AMN: variants seen among roughly 807,000 people sequenced by gnomAD.
The protein encoded by AMN is protein amnionless.
AMN carries 40 observed loss-of-function variants against 49.1 expected under a neutral mutation model. That is an observed-to-expected ratio of 0.81 (90% CI 0.63 to 1.06). AMN has a LOEUF of 1.06. Among genes scored for constraint, AMN ranks in the 50% least tolerant of loss-of-function variants. AMN has a pLI of 0.00. For missense variants in AMN, 701 were observed against 662.8 expected (o/e 1.06, Z -0.63); for synonymous variants, 380 against 313.3 (o/e 1.21, Z -2.25).
chr14:102,923,650 C>T, intron 1 of AMN, 61 bp from the exon 2 acceptor site: 2 of 1,451,014 alleles, frequency 1.4e-6, no homozygotes, highest in Non-Finnish European at 1.9e-6. Context: ...GGGTGGGTGG[C>T]CTTCCCTGAG....
Position 102,930,742 on chromosome 14 carries a change from G to A in AMN, c.*62G>A. On this transcript the variant is annotated 3_prime_UTR_variant, in exon 12 of 12. Transcript: ENST00000299155. The stretch of plus-strand genomic sequence containing the variant: ...CGCTCTGGCCCCAGTCGAACTGGGG[G>A]CTAGCCACCTCCTCGTCCAGCCCCC... The A allele has an allele frequency of 6.7e-7, 1 of 1,491,552 alleles. No homozygotes were observed. The highest frequency in any genetic ancestry group is 1.2e-5 in the South Asian group (1 of 82,804). The allele number at this position is 1,491,552 out of a possible 1,614,324, so 92.4% of individuals were successfully genotyped here. A position where few individuals can be genotyped will look rare whatever the true frequency, so the allele number is the denominator to read the frequency against.
At chr14:102,924,414 C>T (rs949322957) in intron 3 of AMN, among the ~76,000 whole-genome samples, 11 of 152,200 alleles carry the variant, frequency 7.2e-5, no homozygotes, top group Non-Finnish European at 1.5e-4. Flanking sequence ...AAGAGGCGAG[C>T]CCACTCCTGC....
chr14:102,930,838 C>T lies in AMN; in HGVS notation c.*158C>T, dbSNP rs563679178. ...TGGCCTTACTCAGTAAAGGTGTTTC[C>T]TGCACCTGCTGTCAGCCTGGCTATG... On this transcript the variant is annotated 3_prime_UTR_variant, in exon 12 of 12. Transcript: ENST00000299155. 1.2e-6 allele frequency: 1 copy of T among 819,880 alleles called. No individual in the cohort carries two copies. The highest frequency in any genetic ancestry group is 1.7e-5 in the African/African-American group (1 of 59,130). 50.8% of individuals were successfully genotyped at this position (819,880 alleles called of 1,614,324 possible). A position where few individuals can be genotyped will look rare whatever the true frequency, so the allele number is the denominator to read the frequency against.
Position 102,930,208 on chromosome 14 carries a change from C to G in AMN, c.1050C>G (p.Gly350=), listed in dbSNP as rs1368382037. 1 of 1,472,568 alleles carries G rather than the reference C, an allele frequency of 6.8e-7. No homozygotes were observed. Among genetic ancestry groups the G allele is most frequent in the Admixed American group, 2.3e-5 (1 of 42,830 alleles). The allele number at this position is 1,472,568 out of a possible 1,614,324, so 91.2% of individuals were successfully genotyped here. A position where few individuals can be genotyped will look rare whatever the true frequency, so the allele number is the denominator to read the frequency against. The change falls in exon 10 of 12, where the codon GGC becomes GGG. Residue 350 remains glycine (G), a synonymous_variant. Transcript: ENST00000299155. ...GVLEATMRES[G]AHVWGSSAAG... The stretch of plus-strand genomic sequence containing the variant: ...TGGAGGCGACCATGCGGGAGTCGGG[C>G]GCACACGTCTGGGGCAGCTCCGCGG...
At chr14:102,925,965 T>G (rs573785458) in intron 3 of AMN, among the ~76,000 whole-genome samples, 1 of 152,304 alleles carries the variant, frequency 6.6e-6, no homozygotes, top group Admixed American at 6.5e-5. Context: ...ATTCTGTGGT[T>G]GGGAGCGTCC....
Position 102,927,357 on chromosome 14 carries a change from C to T in AMN, c.208-1069C>T, listed in dbSNP as rs1324567463. Reference sequence around the variant, plus strand: ...GCTCGTCTGTTCAACTATTATGTTACGTTTCTATTTTTCCCCTTCGTTCTT... The same window carrying T: ...GCTCGTCTGTTCAACTATTATGTTATGTTTCTATTTTTCCCCTTCGTTCTT... On this transcript the variant is annotated intron_variant, in intron 3 of 11. Transcript: ENST00000299155. Among the ~76,000 whole-genome samples, 4 of 152,180 alleles carry T rather than the reference C, an allele frequency of 2.6e-5. No individual in the cohort carries two copies. The South Asian group carries it at 6.2e-4, about 24-fold the overall frequency.
chr14:102,928,689 C>A (rs1891247312), intron 4 of AMN, 69 bp from the exon 5 acceptor site: 1 of 1,538,856 alleles, frequency 6.5e-7, no homozygotes, highest in Non-Finnish European at 8.8e-7. Context: ...AGACGCGTGG[C>A]GTGGCGTGGC....
chr14:102,928,142 C>T lies in AMN; in HGVS notation c.208-284C>T, dbSNP rs148726650. 7.6e-3 allele frequency among the ~76,000 whole-genome samples: 1,151 copies of T among 152,384 alleles called. 24 individuals are homozygous for T. Among genetic ancestry groups the T allele is most frequent in the African/African-American group, 0.025 (1,057 of 41,596 alleles). ...CCAGACTCCCCACGGCTCCGTCTCG[C>T]TCCCCGGCTCCGGCTCTGCCCCTGG... On this transcript the variant is annotated intron_variant, in intron 3 of 11. Transcript: ENST00000299155.
In AMN at chr14:102,930,171, CCCTCGGCGT is replaced by C; in HGVS notation, c.1017_1025del (p.Gly340_Leu342del). On this transcript the variant is annotated inframe_deletion, in exon 10 of 12. Coordinates refer to ENST00000299155, the MANE Select transcript of AMN (RefSeq NM_030943.4). The stretch of plus-strand genomic sequence containing the variant: ...GCCGGCCCCTCCGTCGCAGGCGAGG[CCCTCGGCGT>C]CCTGGAGGCGACCATGCGGGAGTCG... 1 of 1,487,634 alleles carries C rather than the reference CCCTCGGCGT, an allele frequency of 6.7e-7. No individual in the cohort carries two copies. The highest frequency in any genetic ancestry group is 8.9e-7 in the Non-Finnish European group (1 of 1,125,746). The allele number at this position is 1,487,634 out of a possible 1,614,324, so 92.2% of individuals were successfully genotyped here.
In AMN at chr14:102,929,696, G is replaced by A; in HGVS notation, c.802G>A (p.Glu268Lys). The A allele has an allele frequency of 1.3e-6, 2 of 1,551,046 alleles. No homozygotes were observed. The highest frequency in any genetic ancestry group is 1.7e-6 in the Non-Finnish European group (2 of 1,147,670). ...GACCCACGGCCCCGCATTTGACCTG[G>A]AGCGGTACCGGGCGCGGATACTGGA... is the stretch of plus-strand genomic sequence containing the variant. ...LLTHGPAFDL[E>K]RYRARILDTF... Residue 268 changes from glutamate (E) to lysine (K), a missense_variant, in exon 8 of 12, where the codon GAG becomes AAG. By Grantham distance (56) the Glu-to-Lys change is moderately conservative (BLOSUM62 1). Transcript: ENST00000299155.
At chr14:102,925,914 G>A (rs1891177053) in intron 3 of AMN, among the ~76,000 whole-genome samples, 2 of 152,164 alleles carry the variant, frequency 1.3e-5, no homozygotes, top group African/African-American at 4.8e-5. Flanking sequence ...CCTAGATGAG[G>A]CCCGAGTAAC....
intron 6 of AMN, 68 bp from the exon 7 acceptor site, chr14:102,929,360 C>T (rs908359795): frequency 4.6e-6 from 7 of 1,511,302 alleles, no homozygotes; most frequent in Non-Finnish European, 5.3e-6. Context: ...GCTTGCTTCT[C>T]GGAGGCATCG....
In AMN at chr14:102,928,755, C is replaced by T. The variant is rs764763091; in HGVS notation, c.296-3C>T. 5 of 1,606,674 alleles carry T rather than the reference C, an allele frequency of 3.1e-6. No homozygotes were observed. Among genetic ancestry groups the T allele is most frequent in the Non-Finnish European group, 3.4e-6 (4 of 1,179,194 alleles). On this transcript the variant is annotated splice_polypyrimidine_tract_variant and splice_region_variant and intron_variant, in intron 4 of 11. Transcript: ENST00000299155. ...TGGAGCTCAGGGATGTGCTCCGGCT[C>T]AGGCGAACCTGCCGTCTTCCGCGAC... is the stretch of plus-strand genomic sequence containing the variant.
chr14:102,928,903 T>C lies in AMN; in HGVS notation c.441T>C (p.Ser147=), dbSNP rs1261624833. The change falls in exon 5 of 12, where the codon AGT becomes AGC. Residue 147 remains serine, a synonymous_variant. Coordinates refer to ENST00000299155, the MANE Select transcript of AMN (RefSeq NM_030943.4). ...CRHDDVFFPP[S]ASFRVGLGPG... is the part of the protein sequence containing the mutation. ...ACGACGACGTCTTCTTTCCGCCTAG[T>C]GCCTCCTTCCGCGTGGGGCTCGGCC... 3.7e-6 allele frequency: 6 copies of C among 1,603,044 alleles called. No individual in the cohort carries two copies. The African/African-American group carries it at 8.0e-5, about 21-fold the overall frequency.
At position 102,929,117 on chromosome 14, in the gene AMN, G is replaced by A; in HGVS notation, c.514-4G>A. Reference sequence around the variant, plus strand: ...GGCTCCGGTGGGGACCCGGCTGCCCGCAGACGTTCACGCGCGACGAGGACC... The same window carrying A: ...GGCTCCGGTGGGGACCCGGCTGCCCACAGACGTTCACGCGCGACGAGGACC... On this transcript the variant is annotated splice_region_variant and splice_polypyrimidine_tract_variant and intron_variant, in intron 5 of 11. Coordinates refer to ENST00000299155, the MANE Select transcript of AMN (RefSeq NM_030943.4). 2.5e-6 allele frequency: 4 copies of A among 1,597,510 alleles called. No individual in the cohort carries two copies. Among genetic ancestry groups the A allele is most frequent in the Non-Finnish European group, 3.4e-6 (4 of 1,179,606 alleles).
intron 3 of AMN, among the ~76,000 whole-genome samples, chr14:102,926,358 A>C (rs1299047333): frequency 6.6e-6 from 1 of 152,076 alleles, no homozygotes; most frequent in East Asian, 1.9e-4. Flanking sequence ...CACTGCTGGA[A>C]TCCGTCGTGT....
rs1055765386 is a variant in AMN at position 102,930,432 on chromosome 14, C to T, written c.1196C>T (p.Pro399Leu). The change falls in exon 11 of 12, where the codon CCG becomes CTG. Residue 399 changes from proline (P) to leucine (L), a missense_variant. Physicochemically the swap from Pro to Leu is moderately conservative, Grantham distance 98 (BLOSUM62 -3). Coordinates refer to ENST00000299155, the MANE Select transcript of AMN (RefSeq NM_030943.4). ...LRWRRHEAAA[P>L]AGAPLGFRNP... ...TGGAGGAGGCACGAGGCGGCGGCCC[C>T]GGCTGGAGCGCCCCTCGGCTTCCGC... The T allele has an allele frequency of 2.6e-6, 4 of 1,522,776 alleles. No homozygotes were observed. Among genetic ancestry groups the T allele is most frequent in the Non-Finnish European group, 3.5e-6 (4 of 1,140,442 alleles). 94.3% of individuals were successfully genotyped at this position (1,522,776 alleles called of 1,614,324 possible). A position where few individuals can be genotyped will look rare whatever the true frequency, so the allele number is the denominator to read the frequency against.
Position 102,930,204 on chromosome 14 carries a change from C to A in AMN, c.1046C>A (p.Ser349Ter). Residue 349 changes from serine to a stop codon, truncating the protein, a stop_gained, in exon 10 of 12, where the codon TCG becomes TAG. Transcript: ENST00000299155. LOFTEE classifies it high-confidence loss of function. The part of the protein sequence containing the change: ...LGVLEATMRE[S>*]GAHVWGSSAA... ...GTCCTGGAGGCGACCATGCGGGAGTCGGGCGCACACGTCTGGGGCAGCTCC... is the reference window on the plus strand; with the variant it reads ...GTCCTGGAGGCGACCATGCGGGAGTAGGGCGCACACGTCTGGGGCAGCTCC... The A allele has an allele frequency of 6.8e-7, 1 of 1,472,664 alleles. No individual in the cohort carries two copies. The highest frequency in any genetic ancestry group is 8.9e-7 in the Non-Finnish European group (1 of 1,118,518). The allele number at this position is 1,472,664 out of a possible 1,614,324, so 91.2% of individuals were successfully genotyped here.
At chr14:102,928,722 T>G in intron 4 of AMN, 36 bp from the exon 5 acceptor site, 1 of 1,592,916 alleles carries the variant, frequency 6.3e-7, no homozygotes, top group African/African-American at 1.3e-5. Context: ...GGCGCGGCGC[T>G]TGTTCCGTGG....
Sources: gnomAD v4.1 joint callset for allele counts (sites outside exome capture counted in the v4.1 genomes callset) on GRCh38, gnomAD v4.1.1 for gene constraint, MANE v1.5 for transcripts, NCBI Gene and HGNC (gene_info 2026-07-23, HGNC 2026-07-21) for gene names.